The following CEP112 variants were observed in gnomAD, a reference collection of about 807,000 sequenced individuals.
The protein encoded by CEP112 is centrosomal protein of 112 kDa.
A neutral mutation model predicts 153.0 loss-of-function variants in CEP112; 127 were observed. The observed-to-expected ratio is 0.83, with a 90% CI of 0.72 to 0.96. CEP112 has a LOEUF of 0.96. Among genes scored for constraint, CEP112 ranks in the 40% least tolerant of loss-of-function variants. The probability of loss-of-function intolerance (pLI) is 0.00; values close to 1 mark genes in which losing one functional copy is unlikely to be tolerated. For synonymous variants in CEP112, 358 were observed against 374.4 expected (o/e 0.96, Z 0.51); for missense variants, 1,089 against 1,101.2 (o/e 0.99, Z 0.16).
chr17:65,674,163 G>A (rs1343928566), intron 24 of CEP112, among the ~76,000 whole-genome samples: 1 of 152,142 alleles, frequency 6.6e-6, no homozygotes, highest in Non-Finnish European at 1.5e-5. Flanking sequence ...GAGCCACCAT[G>A]CCCAACCAAA....
At chr17:65,844,258 A>T (rs2057634206) in intron 21 of CEP112, among the ~76,000 whole-genome samples, 1 of 152,256 alleles carries the variant, frequency 6.6e-6, no homozygotes, top group Non-Finnish European at 1.5e-5. Context: ...AATATACATT[A>T]GTATAAACTT....
At chr17:65,761,030 T>C (rs918526137) in intron 21 of CEP112, among the ~76,000 whole-genome samples, 8 of 152,130 alleles carry the variant, frequency 5.3e-5, no homozygotes, top group Non-Finnish European at 1.2e-4. Flanking sequence ...TATAAGCATA[T>C]AATTGATCAT....
At chr17:65,774,492 C>A (rs567087426) in intron 21 of CEP112, among the ~76,000 whole-genome samples, 3 of 152,320 alleles carry the variant, frequency 2.0e-5, no homozygotes, top group Admixed American at 2.0e-4. Context: ...GCCAACAAGA[C>A]TGCAGGACCC....
chr17:65,644,273 T>C, intron 24 of CEP112: 4 of 586,358 alleles, frequency 6.8e-6, no homozygotes, highest in South Asian at 6.1e-5. Flanking sequence ...AGAATGTCTA[T>C]CTGTTTTCCT....
rs189145537 is a variant in CEP112 at position 65,992,122 on chromosome 17, G to A, written c.1736+13568C>T. ...ATTTAAGTCTTTTATTAAGATTAGC[G>A]TCTAGCAAATAAAAGTACAAAAACA... On this transcript the variant is annotated intron_variant, in intron 17 of 26. Coordinates refer to ENST00000535342, the MANE Select transcript of CEP112 (RefSeq NM_001199165.4). Among the ~76,000 whole-genome samples, 255 of 151,650 alleles carry A rather than the reference G, an allele frequency of 1.7e-3. 1 individual carries two copies. Among genetic ancestry groups the A allele is most frequent in the Non-Finnish European group, 2.9e-3 (199 of 67,900 alleles).
At chr17:65,919,271 C>T (rs772076334) in intron 19 of CEP112, among the ~76,000 whole-genome samples, 20 of 152,114 alleles carry the variant, frequency 1.3e-4, no homozygotes, top group Non-Finnish European at 2.2e-4. Context: ...TTCCCACAAT[C>T]GAACTGAGTG....
intron 20 of CEP112, 83 bp downstream of exon 20, chr17:65,902,069 C>A (rs2059885264): frequency 1.1e-5 from 9 of 831,200 alleles, no homozygotes; most frequent in East Asian, 1.0e-4. Flanking sequence ...CAGCGTGCAT[C>A]AATAAGAATA....
chr17:65,724,561 A>G (rs2050070191), intron 23 of CEP112, among the ~76,000 whole-genome samples: 1 of 152,246 alleles, frequency 6.6e-6, no homozygotes, highest in Admixed American at 6.5e-5. Context: ...AGTAGCATAT[A>G]ACTACTATTG....
chr17:66,111,770 C>G (rs2069059999), intron 6 of CEP112, among the ~76,000 whole-genome samples: 2 of 152,070 alleles, frequency 1.3e-5, no homozygotes, highest in East Asian at 1.9e-4. Context: ...GGGCATAATA[C>G]CTGGGTGATG....
chr17:66,178,853 G>A (rs6504401), intron 2 of CEP112, among the ~76,000 whole-genome samples: 37,063 of 151,956 alleles, frequency 0.24, 4,704 homozygotes, highest in Middle Eastern at 0.36. Flanking sequence ...CGTAATCACA[G>A]AACAAACTAA....
intron 23 of CEP112, among the ~76,000 whole-genome samples, chr17:65,728,144 C>A (rs1270884741): frequency 6.6e-6 from 1 of 152,188 alleles, no homozygotes; most frequent in Non-Finnish European, 1.5e-5. Flanking sequence ...GCCTGCAAAG[C>A]CTAACATTTT....
intron 16 of CEP112, among the ~76,000 whole-genome samples, chr17:66,023,123 A>G (rs950058789): frequency 6.6e-6 from 1 of 152,180 alleles, no homozygotes; most frequent in African/African-American, 2.4e-5. Flanking sequence ...AGAAAAAGCA[A>G]AAAGTTTAGA....
chr17:65,931,844 T>C (rs767874453), intron 18 of CEP112, among the ~76,000 whole-genome samples: 2 of 152,180 alleles, frequency 1.3e-5, no homozygotes, highest in Non-Finnish European at 2.9e-5. Flanking sequence ...GAGCCCAGCC[T>C]GAGGTGCAGG....
rs1251487613 is a variant in CEP112 at position 65,743,099 on chromosome 17, T to G, written c.2576A>C (p.Gln859Pro). The change falls in exon 23 of 27, where the codon CAG becomes CCG. Residue 859 changes from glutamine (Q) to proline (P), a missense_variant. Coordinates refer to ENST00000535342, the MANE Select transcript of CEP112 (RefSeq NM_001199165.4). ...TGCTTGGTCATTATCTCTAATCAGC[T>G]GCTTCTTCTCATCTTCAAACTTTTG... ...VRQKFEDEKK[Q>P]LIRDNDQAIK... 1 of 1,612,086 alleles carries G rather than the reference T, an allele frequency of 6.2e-7. No individual in the cohort carries two copies. Among genetic ancestry groups the G allele is most frequent in the South Asian group, 1.1e-5 (1 of 90,564 alleles).
At chr17:65,681,866 G>A (rs554852517) in intron 24 of CEP112, among the ~76,000 whole-genome samples, 129 of 151,584 alleles carry the variant, frequency 8.5e-4, no homozygotes, top group Admixed American at 1.8e-3. Flanking sequence ...TTTTTTAAGA[G>A]ACAGGGTTTC....
At chr17:65,681,484 G>A (rs563806211) in intron 24 of CEP112, among the ~76,000 whole-genome samples, 2 of 150,162 alleles carry the variant, frequency 1.3e-5, no homozygotes, top group Admixed American at 6.7e-5. Flanking sequence ...TTGACTTCTG[G>A]ATTCAGATTT....
chr17:65,639,951 C>T (rs1598159626), intron 25 of CEP112, among the ~76,000 whole-genome samples: 1 of 147,122 alleles, frequency 6.8e-6, no homozygotes, highest in Admixed American at 6.9e-5. Context: ...GATTCTCCTG[C>T]CTCAGCCTCC....
intron 24 of CEP112, among the ~76,000 whole-genome samples, chr17:65,662,120 C>G (rs2046420195): frequency 6.6e-6 from 1 of 152,142 alleles, no homozygotes; most frequent in South Asian, 2.1e-4. Context: ...AGGTGGGCAC[C>G]ACCACGCCTG....
intron 21 of CEP112, among the ~76,000 whole-genome samples, chr17:65,811,098 C>T (rs563899977): frequency 7.1e-4 from 108 of 152,200 alleles, no homozygotes; most frequent in Middle Eastern, 3.4e-3. Flanking sequence ...GGCTCTTTGG[C>T]CTTACGTTCA....
Sources: gnomAD v4.1 joint callset for allele counts (sites outside exome capture counted in the v4.1 genomes callset) on GRCh38, gnomAD v4.1.1 for gene constraint, MANE v1.5 for transcripts, NCBI Gene and HGNC (gene_info 2026-07-23, HGNC 2026-07-21) for gene names.